The following CHRM3 variants were observed in gnomAD, a reference collection of about 807,000 sequenced individuals.
CHRM3 encodes the protein cholinergic receptor muscarinic 3.
In CHRM3, 11 loss-of-function variants were observed where a neutral mutation model predicts 41.8. The observed-to-expected ratio is 0.26, with a 90% CI of 0.17 to 0.44. The LOEUF is 0.44. Ranked by LOEUF, CHRM3 falls within the 20% of genes least tolerant of loss-of-function variation. The pLI is 1.00. For synonymous variants in CHRM3, 297 were observed against 301.4 expected, an observed-to-expected ratio of 0.99 and a Z score of 0.15; for missense variants, 571 against 745.4, an observed-to-expected ratio of 0.77 and a Z score of 2.72.
intron 2 of CHRM3, among the ~76,000 whole-genome samples, chr1:239,520,837 C>T (rs1669592866): frequency 6.6e-6 from 1 of 152,132 alleles, no homozygotes; most frequent in Non-Finnish European, 1.5e-5. Context: ...CATTTGTTGA[C>T]TTTCAAAAGC....
At chr1:239,514,107 G>A (rs954335626) in intron 2 of CHRM3, among the ~76,000 whole-genome samples, 2 of 152,064 alleles carry the variant, frequency 1.3e-5, no homozygotes, top group African/African-American at 4.8e-5. Flanking sequence ...CATCCAGTCG[G>A]CTATTCTGGG....
chr1:239,808,554 G>T (rs1055856158), intron 5 of CHRM3, among the ~76,000 whole-genome samples: 1 of 152,126 alleles, frequency 6.6e-6, no homozygotes, highest in Non-Finnish European at 1.5e-5. Flanking sequence ...AAAGATGAGA[G>T]TCTCTTATTT....
intron 5 of CHRM3, among the ~76,000 whole-genome samples, chr1:239,760,811 CT>C (rs1265753438): frequency 2.6e-5 from 4 of 152,196 alleles, no homozygotes; most frequent in African/African-American, 7.2e-5. Flanking sequence ...TTATCCCTGG[CT>C]TTAAGCAGTT....
chr1:239,485,418 G>T (rs545148301), intron 1 of CHRM3, among the ~76,000 whole-genome samples: 20 of 152,228 alleles, frequency 1.3e-4, no homozygotes, highest in African/African-American at 4.6e-4. Flanking sequence ...CCAAGTAGCT[G>T]GGGCTACAGG....
At chr1:239,763,943 T>C (rs1667005227) in intron 5 of CHRM3, among the ~76,000 whole-genome samples, 1 of 151,568 alleles carries the variant, frequency 6.6e-6, no homozygotes, top group Non-Finnish European at 1.5e-5. Context: ...AAAAAAAAAT[T>C]AGTCAGGCAT....
rs140800104 is a variant in CHRM3, at chr1:239,440,596, A to C, written c.-520-52113A>C. On this transcript the variant is annotated intron_variant, in intron 1 of 6. Coordinates refer to ENST00000676153, the MANE Select transcript of CHRM3 (RefSeq NM_001375978.1). ...GAATTAAGGGCAGGGCCAACTCTAC[A>C]TTCAGGTGTTAAGTTGTTCCAATTT... Among the ~76,000 whole-genome samples the C allele has an allele frequency of 3.1e-3, 477 of 152,366 alleles. 6 individuals are homozygous for C. The highest frequency in any genetic ancestry group is 0.011 in the African/African-American group (453 of 41,598).
chr1:239,776,756 C>T (rs758982411), intron 5 of CHRM3, among the ~76,000 whole-genome samples: 1 of 152,094 alleles, frequency 6.6e-6, no homozygotes, highest in Non-Finnish European at 1.5e-5. Context: ...CTCACAGTTC[C>T]ACAGGGCTGG....
At chr1:239,751,636 T>G (rs934520423) in intron 5 of CHRM3, among the ~76,000 whole-genome samples, 1 of 152,100 alleles carries the variant, frequency 6.6e-6, no homozygotes, top group Non-Finnish European at 1.5e-5. Flanking sequence ...AAGTAGCTAG[T>G]GAAACTCCAG....
At position 239,419,987 on chromosome 1, in the gene CHRM3, A is replaced by G. The variant is rs1347585176; in HGVS notation, c.-521+32760A>G. On this transcript the variant is annotated intron_variant, in intron 1 of 6. Coordinates refer to ENST00000676153, the MANE Select transcript of CHRM3 (RefSeq NM_001375978.1). The stretch of plus-strand genomic sequence containing the variant: ...AGTCCGCTGACTGTCTGGTCTTCCT[A>G]TCATACAAACAGACTCTATTTAGTA... Among the ~76,000 whole-genome samples, 4 of 152,266 alleles carry G rather than the reference A, an allele frequency of 2.6e-5. No individual in the cohort carries two copies. The South Asian group carries it at 6.2e-4, about 24-fold the overall frequency.
chr1:239,529,861 T>C (rs924194978), intron 2 of CHRM3, among the ~76,000 whole-genome samples: 1 of 152,096 alleles, frequency 6.6e-6, no homozygotes, highest in African/African-American at 2.4e-5. Flanking sequence ...ACAAACTTTA[T>C]TTGACGAGAA....
At chr1:239,453,212 A>G (rs61834710) in intron 1 of CHRM3, among the ~76,000 whole-genome samples, 6,341 of 152,294 alleles carry the variant, frequency 0.042, 203 homozygotes, top group African/African-American at 0.089. Flanking sequence ...CGTGATGATA[A>G]TTTGACCTCT....
At chr1:239,521,390 A>G (rs1352047331) in intron 2 of CHRM3, among the ~76,000 whole-genome samples, 1 of 152,222 alleles carries the variant, frequency 6.6e-6, no homozygotes, top group Non-Finnish European at 1.5e-5. Flanking sequence ...CGAGAGGACA[A>G]TAGACCTTCT....
Position 239,769,746 on chromosome 1 carries a change from T to C in CHRM3, c.-146-57506T>C, listed in dbSNP as rs532511687. Among the ~76,000 whole-genome samples, 86 of 152,252 alleles carry C rather than the reference T, an allele frequency of 5.6e-4. 2 individuals are homozygous for C. The highest frequency in any genetic ancestry group is 5.6e-3 in the South Asian group (27 of 4,822). On this transcript the variant is annotated intron_variant, in intron 5 of 6. Transcript: ENST00000676153. ...AAATACAAAAATTAGCCAGGCTTGGTGGCAGGTGCCTGTAGTCCCAGCTAT... is the reference window on the plus strand; with the variant it reads ...AAATACAAAAATTAGCCAGGCTTGGCGGCAGGTGCCTGTAGTCCCAGCTAT...
chr1:239,672,065 T>C (rs954418237), intron 4 of CHRM3, among the ~76,000 whole-genome samples: 8 of 152,212 alleles, frequency 5.3e-5, no homozygotes, highest in Non-Finnish European at 1.2e-4. Context: ...AGATGAGTTA[T>C]GCACAAGACA....
At chr1:239,555,608 C>G (rs554947321) in intron 3 of CHRM3, among the ~76,000 whole-genome samples, 3 of 152,262 alleles carry the variant, frequency 2.0e-5, no homozygotes, top group Non-Finnish European at 2.9e-5. Flanking sequence ...TGACTGGCAA[C>G]CCAGAAGTTA....
chr1:239,463,111 C>T (rs1451393551), intron 1 of CHRM3, among the ~76,000 whole-genome samples: 3 of 152,106 alleles, frequency 2.0e-5, no homozygotes, highest in Non-Finnish European at 4.4e-5. Flanking sequence ...AGTCACACCT[C>T]CTTATAATGG....
chr1:239,736,586 A>G (rs1232010710), intron 5 of CHRM3, among the ~76,000 whole-genome samples: 1 of 152,056 alleles, frequency 6.6e-6, no homozygotes, highest in Non-Finnish European at 1.5e-5. Flanking sequence ...TGACTCTCAG[A>G]TTAATATACA....
chr1:239,550,404 A>G (rs569231573), intron 3 of CHRM3, among the ~76,000 whole-genome samples: 172 of 152,312 alleles, frequency 1.1e-3, no homozygotes, highest in Non-Finnish European at 1.8e-3. Flanking sequence ...GGTTGAGGGC[A>G]GTTCCTGTCT....
chr1:239,444,472 G>A (rs1376605577), intron 1 of CHRM3, among the ~76,000 whole-genome samples: 2 of 152,106 alleles, frequency 1.3e-5, no homozygotes, highest in Non-Finnish European at 2.9e-5. Context: ...CAATTAATTT[G>A]TGCTGGAGGG....
Sources: gnomAD v4.1 joint callset for allele counts (sites outside exome capture counted in the v4.1 genomes callset) on GRCh38, gnomAD v4.1.1 for gene constraint, MANE v1.5 for transcripts, NCBI Gene and HGNC (gene_info 2026-07-23, HGNC 2026-07-21) for gene names.